Variants in TRABD2B observed in about 807,000 individuals in gnomAD.
TRABD2B encodes the protein TraB domain containing 2B, also known as metalloprotease TIKI2.
In TRABD2B, 14 loss-of-function variants were observed where a neutral mutation model predicts 40.1. The ratio of observed to expected loss-of-function variants is 0.35; its 90% CI spans 0.23 to 0.55. TRABD2B has a LOEUF of 0.55. Ranked by LOEUF, TRABD2B falls within the 20% of genes least tolerant of loss-of-function variation. The pLI is 0.90. For missense variants in TRABD2B, 541 were observed against 648.6 expected, an observed-to-expected ratio of 0.83 and a Z score of 1.80; for synonymous variants, 263 against 277.0, an observed-to-expected ratio of 0.95 and a Z score of 0.50.
At chr1:47,833,018 T>C (rs950229038) in intron 2 of TRABD2B, among the ~76,000 whole-genome samples, 7 of 152,212 alleles carry the variant, frequency 4.6e-5, no homozygotes, top group African/African-American at 1.4e-4. Flanking sequence ...ATTCAGACCA[T>C]ATAAATTGTG....
intron 2 of TRABD2B, among the ~76,000 whole-genome samples, chr1:47,837,358 T>A (rs567202772): frequency 2.0e-5 from 3 of 152,226 alleles, no homozygotes; most frequent in Admixed American, 2.0e-4. Context: ...ATATTTGGGA[T>A]CCAAGGGTGA....
At chr1:47,983,606 G>A (rs1210357422) in intron 2 of TRABD2B, among the ~76,000 whole-genome samples, 1 of 152,000 alleles carries the variant, frequency 6.6e-6, no homozygotes, top group East Asian at 1.9e-4. Context: ...GCTGCAACTC[G>A]GCCCCAATAC....
At chr1:47,946,884 T>G (rs897797390) in intron 2 of TRABD2B, among the ~76,000 whole-genome samples, 1 of 152,160 alleles carries the variant, frequency 6.6e-6, no homozygotes, top group Non-Finnish European at 1.5e-5. Flanking sequence ...AGAGACTCAA[T>G]TGTGCTACAC....
intron 2 of TRABD2B, among the ~76,000 whole-genome samples, chr1:47,828,840 T>C (rs1007780006): frequency 2.0e-5 from 3 of 152,170 alleles, no homozygotes; most frequent in Non-Finnish European, 2.9e-5. Flanking sequence ...AGGTGCCACC[T>C]AGAGCGGTCT....
At chr1:47,907,954 G>A (rs1644700334) in intron 2 of TRABD2B, among the ~76,000 whole-genome samples, 1 of 152,172 alleles carries the variant, frequency 6.6e-6, no homozygotes, top group East Asian at 1.9e-4. Context: ...TAAAGTTTTT[G>A]CCTCCTCTCT....
rs1250905940 is a variant in TRABD2B, at chr1:47,764,245, G to C, written c.*1657C>G. Reference sequence around the variant, plus strand: ...TGGGAGTCAGCAGGCCCACCCGGCTGTGCAGCCTTGGAGAAGTGTCTCCTC... The same window carrying C: ...TGGGAGTCAGCAGGCCCACCCGGCTCTGCAGCCTTGGAGAAGTGTCTCCTC... On this transcript the variant is annotated 3_prime_UTR_variant, in exon 7 of 7. Transcript: ENST00000606738. The C allele has an allele frequency of 6.6e-6, 1 of 152,270 alleles. No individual in the cohort carries two copies. Among genetic ancestry groups the C allele is most frequent in the Non-Finnish European group, 1.5e-5 (1 of 68,046 alleles). The allele number at this position is 152,270 out of a possible 1,614,324, so 9.4% of individuals were successfully genotyped here.
intron 2 of TRABD2B, among the ~76,000 whole-genome samples, chr1:47,883,036 G>T (rs946354108): frequency 1.3e-5 from 2 of 152,170 alleles, no homozygotes. Flanking sequence ...TTTCCTTGAA[G>T]AACTTACAAA....
At position 47,813,325 on chromosome 1, in the gene TRABD2B, C is replaced by T. The variant is rs998129914; in HGVS notation, c.667-11706G>A. Among the ~76,000 whole-genome samples the T allele has an allele frequency of 1.3e-5, 2 of 152,174 alleles. No individual in the cohort carries two copies. The highest frequency in any genetic ancestry group is 1.9e-4 in the East Asian group (1 of 5,164). On this transcript the variant is annotated intron_variant, in intron 2 of 6. Transcript: ENST00000606738. This position sits in a 1 kb window ranked among gnomAD's most constrained non-coding sequence, Gnocchi z 4.3. ...AGTCCTGGGCAGTAGCCAAGGAGGA[C>T]CGGATTGGAGGGGGCACCTCCAGGT...
At chr1:47,869,948 A>C (rs7553291) in intron 2 of TRABD2B, among the ~76,000 whole-genome samples, 2 of 151,914 alleles carry the variant, frequency 1.3e-5, no homozygotes, top group Non-Finnish European at 2.9e-5. Flanking sequence ...CCAACAAGAA[A>C]GTGGGAGCCC....
chr1:47,853,065 G>C (rs917972806), intron 2 of TRABD2B, among the ~76,000 whole-genome samples: 3 of 152,166 alleles, frequency 2.0e-5, no homozygotes, highest in Admixed American at 2.0e-4. Context: ...ATGCCTAGCA[G>C]AGAAAAGCCT....
chr1:47,917,180 G>A (rs560543447), intron 2 of TRABD2B, among the ~76,000 whole-genome samples: 1 of 152,316 alleles, frequency 6.6e-6, no homozygotes, highest in African/African-American at 2.4e-5. Context: ...GGTGAGAAGA[G>A]AGAGTTCCAC....
intron 2 of TRABD2B, among the ~76,000 whole-genome samples, chr1:47,976,146 C>A (rs1044377939): frequency 3.9e-5 from 6 of 152,162 alleles, no homozygotes; most frequent in African/African-American, 1.4e-4. Flanking sequence ...TCTTTTCCTG[C>A]CTAATTTCTG....
At chr1:47,865,366 C>T (rs1012091567) in intron 2 of TRABD2B, among the ~76,000 whole-genome samples, 1 of 151,974 alleles carries the variant, frequency 6.6e-6, no homozygotes, top group Non-Finnish European at 1.5e-5. Context: ...AAAGGCCCCA[C>T]CTCTCGCAGT....
intron 2 of TRABD2B, among the ~76,000 whole-genome samples, chr1:47,886,202 C>T (rs1644368397): frequency 6.6e-6 from 1 of 152,282 alleles, no homozygotes; most frequent in South Asian, 2.1e-4. Flanking sequence ...CATCATCTAA[C>T]CCACCTCCTC....
intron 2 of TRABD2B, 97 bp from the exon 3 acceptor site, chr1:47,801,716 G>T: frequency 7.2e-7 from 1 of 1,395,454 alleles, no homozygotes; most frequent in Non-Finnish European, 9.5e-7. Context: ...AGAGCAACAG[G>T]CCTGAAACAG....
chr1:47,927,603 C>G (rs1259761964), intron 2 of TRABD2B, among the ~76,000 whole-genome samples: 2 of 152,190 alleles, frequency 1.3e-5, no homozygotes, highest in African/African-American at 2.4e-5. Flanking sequence ...CATAAAAAAA[C>G]ACTCCATGTT....
chr1:47,940,733 A>G (rs891280959), intron 2 of TRABD2B, among the ~76,000 whole-genome samples: 1 of 152,222 alleles, frequency 6.6e-6, no homozygotes, highest in African/African-American at 2.4e-5. Context: ...GTCATCTCCT[A>G]AAGTCCAATA....
chr1:47,916,128 GCTCCTCAC>G (rs1454393891), intron 2 of TRABD2B, among the ~76,000 whole-genome samples: 1 of 141,660 alleles, frequency 7.1e-6, no homozygotes, highest in African/African-American at 2.5e-5. Context: ...CTGCTCGCCT[GCTCCTCAC>G]TCCTCACTAG....
chr1:47,950,857 G>A (rs747481004), intron 2 of TRABD2B, among the ~76,000 whole-genome samples: 13 of 152,174 alleles, frequency 8.5e-5, no homozygotes. Flanking sequence ...TCTGCAAAAA[G>A]GCAATGGAAA....
Sources: gnomAD v4.1 joint callset for allele counts (sites outside exome capture counted in the v4.1 genomes callset) on GRCh38, gnomAD v4.1.1 for gene constraint, Gnocchi (gnomAD v3.1) non-coding constraint, MANE v1.5 for transcripts, NCBI Gene and HGNC (gene_info 2026-07-23, HGNC 2026-07-21) for gene names.